ARB2A: variants seen among roughly 807,000 people sequenced by gnomAD.
ARB2A encodes ARB2 cotranscriptional regulator A.
At chr5:93,735,388 GCAGCTATGCGGGGGCTGAGATGGA>G in the ARB2A span, 2 of 152,270 alleles carry the variant, frequency 1.3e-5, no homozygotes, top group African/African-American at 4.8e-5. Flanking sequence ...TGTCAATGAT[GCAGCTATGCGGGGGCTGAGATGGA>G]CTCTAGGAGC....
chr5:94,108,376 A>ATT, the ARB2A span, among the ~76,000 whole-genome samples: 1 of 148,714 alleles, frequency 6.7e-6, no homozygotes, highest in African/African-American at 2.5e-5. Context: ...AAGATGGTGT[A>ATT]TTTTTTTTTT....
chr5:93,866,135 C>A, the ARB2A span: 122,193 of 985,192 alleles, frequency 0.12, 8,181 homozygotes, highest in Middle Eastern at 0.16. Context: ...GAGGATAATA[C>A]AAGCAATCTT....
the ARB2A span, chr5:93,733,330 A>T: frequency 6.6e-6 from 1 of 151,370 alleles, no homozygotes; most frequent in African/African-American, 2.4e-5. Flanking sequence ...CCTCCTGAGT[A>T]GCTGGGACTA....
At chr5:93,640,632 G>GTATATACTTATATACATA in the ARB2A span, among the ~76,000 whole-genome samples, 13 of 150,090 alleles carry the variant, frequency 8.7e-5, no homozygotes, top group South Asian at 2.1e-3. Context: ...ACATATGTGT[G>GTATATACTTATATACATA]TGTATATATA....
chr5:93,824,608 T>C, the ARB2A span, among the ~76,000 whole-genome samples: 2 of 152,174 alleles, frequency 1.3e-5, no homozygotes, highest in Non-Finnish European at 2.9e-5. Context: ...ACCATGTCAA[T>C]GCAGTCTTTT....
At chr5:94,092,395 T>C in the ARB2A span, among the ~76,000 whole-genome samples, 2 of 152,172 alleles carry the variant, frequency 1.3e-5, no homozygotes, top group African/African-American at 4.8e-5. Context: ...AAAATCATGA[T>C]GTATCTTCCT....
the ARB2A span, among the ~76,000 whole-genome samples, chr5:94,043,040 G>A: frequency 1.3e-5 from 2 of 151,916 alleles, no homozygotes; most frequent in Non-Finnish European, 2.9e-5. Context: ...GGCAATTGTT[G>A]TCTTGTTTTA....
At chr5:94,036,121 T>C in the ARB2A span, among the ~76,000 whole-genome samples, 1 of 152,238 alleles carries the variant, frequency 6.6e-6, no homozygotes, top group Non-Finnish European at 1.5e-5. Context: ...ACTGACTCTA[T>C]TCCAAATATT....
the ARB2A span, among the ~76,000 whole-genome samples, chr5:93,678,710 C>T: frequency 3.3e-5 from 5 of 151,270 alleles, no homozygotes; most frequent in African/African-American, 7.3e-5. Flanking sequence ...GAGCAGAGAG[C>T]GGGCCATTAC....
chr5:93,724,800 G>A, the ARB2A span, among the ~76,000 whole-genome samples: 5 of 151,950 alleles, frequency 3.3e-5, no homozygotes, highest in Admixed American at 1.3e-4. Context: ...AGTAAGAGAT[G>A]AACAACAGTA....
chr5:93,732,645 C>T, the ARB2A span, among the ~76,000 whole-genome samples: 7 of 150,866 alleles, frequency 4.6e-5, no homozygotes, highest in African/African-American at 1.5e-4. Context: ...TATATGGCTC[C>T]GTACTCCCCC....
chr5:93,910,751 A>T, the ARB2A span: 1 of 151,486 alleles, frequency 6.6e-6, no homozygotes, highest in South Asian at 2.1e-4. Flanking sequence ...AATGAGACCT[A>T]AAATACAGTT....
chr5:94,025,026 A>C, the ARB2A span, among the ~76,000 whole-genome samples: 2 of 152,244 alleles, frequency 1.3e-5, no homozygotes, highest in South Asian at 4.1e-4. Context: ...AGAGAAACAC[A>C]TAATGGCTCT....
chr5:94,039,077 T>C, the ARB2A span, among the ~76,000 whole-genome samples: 1 of 152,224 alleles, frequency 6.6e-6, no homozygotes, highest in Non-Finnish European at 1.5e-5. Context: ...AGTACTAAAT[T>C]ATTTCCAGAA....
the ARB2A span, among the ~76,000 whole-genome samples, chr5:94,054,061 C>G: frequency 6.6e-6 from 1 of 152,182 alleles, no homozygotes; most frequent in Non-Finnish European, 1.5e-5. Context: ...AGCCGCCATG[C>G]CTCGCTGAGT....
chr5:93,674,919 A>T, the ARB2A span, among the ~76,000 whole-genome samples: 1 of 152,196 alleles, frequency 6.6e-6, no homozygotes, highest in Non-Finnish European at 1.5e-5. Flanking sequence ...CACAGTTATA[A>T]CATATCCCCT....
At chr5:93,959,738 A>G in the ARB2A span, among the ~76,000 whole-genome samples, 1 of 152,190 alleles carries the variant, frequency 6.6e-6, no homozygotes, top group Non-Finnish European at 1.5e-5. Context: ...TAAAAAGTAA[A>G]TATTTTTATC....
the ARB2A span, among the ~76,000 whole-genome samples, chr5:93,751,687 C>T: frequency 1.3e-5 from 2 of 152,028 alleles, no homozygotes; most frequent in Non-Finnish European, 2.9e-5. Context: ...ATTTTAGTAC[C>T]AAAGAATATG....
At chr5:94,084,227 T>C in the ARB2A span, among the ~76,000 whole-genome samples, 1 of 139,664 alleles carries the variant, frequency 7.2e-6, no homozygotes, top group Non-Finnish European at 1.5e-5. Context: ...GGAGCACAGA[T>C]TGCACTACTG....
Sources: gnomAD v4.1 joint callset for allele counts (sites outside exome capture counted in the v4.1 genomes callset) on GRCh38, gnomAD v4.1.1 for gene constraint, MANE v1.5 for transcripts, NCBI Gene and HGNC (gene_info 2026-07-23, HGNC 2026-07-21) for gene names.